The following KIAA1755 variants were observed in gnomAD, a reference collection of about 807,000 sequenced individuals.
The protein encoded by KIAA1755 is uncharacterized protein KIAA1755.
A neutral mutation model predicts 91.7 loss-of-function variants in KIAA1755; 68 were observed. The observed-to-expected ratio is 0.74, with a 90% CI of 0.61 to 0.91. KIAA1755 has a LOEUF of 0.91. Ranked by LOEUF, KIAA1755 falls within the 40% of genes least tolerant of loss-of-function variation. The pLI is 0.00. For missense variants in KIAA1755, 1,535 were observed against 1,494.4 expected (o/e 1.03, Z -0.45); for synonymous variants, 610 against 604.6 (o/e 1.01, Z -0.13).
intron 5 of KIAA1755, 99 bp from the exon 6 acceptor site, chr20:38,228,339 A>C: frequency 1.2e-6 from 1 of 854,026 alleles, no homozygotes; most frequent in Non-Finnish European, 1.7e-6. Context: ...AGAAACCTTG[A>C]TTTACTGGTG....
chr20:38,217,971 G>A (rs2075581843), intron 12 of KIAA1755: 2 of 489,844 alleles, frequency 4.1e-6, no homozygotes, highest in Non-Finnish European at 7.3e-6. Context: ...GGCTCTGTGA[G>A]GCTGAGTTAT....
chr20:38,221,485 G>T (rs1206621080), intron 10 of KIAA1755, among the ~76,000 whole-genome samples: 1 of 152,176 alleles, frequency 6.6e-6, no homozygotes, highest in South Asian at 2.1e-4. Context: ...GCTCTGGGTG[G>T]TGTGTTCAAG....
intron 1 of KIAA1755, among the ~76,000 whole-genome samples, chr20:38,255,246 C>T (rs929623033): frequency 3.4e-4 from 51 of 152,064 alleles, no homozygotes; most frequent in African/African-American, 1.1e-3. Flanking sequence ...AAACCAACAG[C>T]CACAGGTATA....
chr20:38,231,183 G>A lies in KIAA1755; in HGVS notation c.1871+19C>T, dbSNP rs764428525. 2.5e-6 allele frequency: 4 copies of A among 1,607,242 alleles called. No individual in the cohort carries two copies. The Admixed American group carries it at 5.1e-5, about 20-fold the overall frequency. ...GGTTGAGGTGGGGATGGAGCAGTCA[G>A]GGTGGCCCAGATCCTTACCTGGGGA... On this transcript the variant is annotated intron_variant, in intron 5 of 13. Coordinates refer to ENST00000279024, the MANE Select transcript of KIAA1755 (RefSeq NM_001029864.2).
chr20:38,225,620 G>T (rs2075741906), intron 8 of KIAA1755, 45 bp downstream of exon 8: 1 of 1,151,018 alleles, frequency 8.7e-7, no homozygotes, highest in Non-Finnish European at 1.3e-6. Flanking sequence ...AAGAGAAGAA[G>T]AGAAGGAGTG....
intron 1 of KIAA1755, among the ~76,000 whole-genome samples, chr20:38,247,469 A>G (rs2076178159): frequency 6.6e-6 from 1 of 151,732 alleles, no homozygotes; most frequent in African/African-American, 2.4e-5. Context: ...TCAGCTGTCA[A>G]CTCCTCCAGG....
chr20:38,248,882 G>A (rs1434268827), intron 1 of KIAA1755, among the ~76,000 whole-genome samples: 1 of 150,954 alleles, frequency 6.6e-6, no homozygotes, highest in Non-Finnish European at 1.5e-5. Flanking sequence ...TTGTTTGTTT[G>A]TTTGTTTTTA....
chr20:38,217,091 G>A (rs577421954), intron 13 of KIAA1755, 162 bp downstream of exon 13: 376 of 649,718 alleles, frequency 5.8e-4, no homozygotes, highest in Non-Finnish European at 7.0e-4. Context: ...TGGGGGTGGT[G>A]TCTGTGCAAG....
intron 10 of KIAA1755, among the ~76,000 whole-genome samples, chr20:38,220,008 T>C (rs1055940329): frequency 2.0e-5 from 3 of 152,202 alleles, no homozygotes; most frequent in Non-Finnish European, 2.9e-5. Context: ...TAGAAGGGAA[T>C]GAAGCTGGCC....
At chr20:38,214,204 G>C (rs1265216060) in intron 13 of KIAA1755, among the ~76,000 whole-genome samples, 6 of 152,152 alleles carry the variant, frequency 3.9e-5, no homozygotes, top group Admixed American at 1.3e-4. Context: ...ACCCGCCGCA[G>C]CCTCCCAAAG....
rs1042786291 is a variant in KIAA1755, at chr20:38,213,568, C to T, written c.3077G>A (p.Arg1026Gln). 17 of 1,605,936 alleles carry T rather than the reference C, an allele frequency of 1.1e-5. No individual in the cohort carries two copies. Among genetic ancestry groups the T allele is most frequent in the African/African-American group, 2.7e-5 (2 of 74,814 alleles). ...AVGLQVASLSRAGLGQELWEE... is the reference protein window; with the variant it reads ...AVGLQVASLSQAGLGQELWEE... ...CCATAGCTCCTGGCCCAGGCCTGCCCGGCTCAGGGAGGCCACCTGCAGCCC... is the reference window on the plus strand; with the variant it reads ...CCATAGCTCCTGGCCCAGGCCTGCCTGGCTCAGGGAGGCCACCTGCAGCCC... The change falls in exon 14 of 14, where the codon CGG becomes CAG. Residue 1026 changes from arginine to glutamine, a missense_variant. Physicochemically the swap from Arg to Gln is conservative, Grantham distance 43. Transcript: ENST00000279024.
chr20:38,245,822 C>G, intron 2 of KIAA1755, 107 bp downstream of exon 2: 1 of 1,018,414 alleles, frequency 9.8e-7, no homozygotes, highest in Non-Finnish European at 1.5e-6. Context: ...ACCCTCAGCT[C>G]CCCGTGAAAC....
At chr20:38,246,672 A>C (rs2076166694) in intron 1 of KIAA1755, among the ~76,000 whole-genome samples, 1 of 152,156 alleles carries the variant, frequency 6.6e-6, no homozygotes, top group African/African-American at 2.4e-5. Flanking sequence ...TTCACACAGC[A>C]ATAACTGATA....
In KIAA1755 at chr20:38,219,730, A is replaced by G; in HGVS notation, c.2456T>C (p.Val819Ala). Reference sequence around the variant, plus strand: ...GACCAGAACATGAAGCTGCTCGTCCACAAGGCTGTACAAGGCAGTGGCTGC... The same window carrying G: ...GACCAGAACATGAAGCTGCTCGTCCGCAAGGCTGTACAAGGCAGTGGCTGC... Reference protein sequence around the residue: ...LAAATALYSLVDEQLHVLVTA... With the variant: ...LAAATALYSLADEQLHVLVTA... The change falls in exon 11 of 14, where the codon GTG (valine) becomes GCG (alanine). Residue 819 changes from valine to alanine, a missense_variant. Val to Ala is a moderately conservative substitution (Grantham distance 64). Coordinates refer to ENST00000279024, the MANE Select transcript of KIAA1755 (RefSeq NM_001029864.2). 1 of 1,614,182 alleles carries G rather than the reference A, an allele frequency of 6.2e-7. No homozygotes were observed. Among genetic ancestry groups the G allele is most frequent in the Non-Finnish European group, 8.5e-7 (1 of 1,180,034 alleles).
At chr20:38,259,948 G>A (rs1483863141) in intron 1 of KIAA1755, among the ~76,000 whole-genome samples, 1 of 151,782 alleles carries the variant, frequency 6.6e-6, no homozygotes, top group East Asian at 1.9e-4. Context: ...AAGCACCCTG[G>A]GTTTCAATGT....
chr20:38,239,115 G>T (rs571444871), intron 4 of KIAA1755, among the ~76,000 whole-genome samples: 31 of 152,306 alleles, frequency 2.0e-4, no homozygotes, highest in African/African-American at 7.0e-4. Flanking sequence ...TGTGGGGCGG[G>T]TCATGCCCCA....
chr20:38,221,635 G>A (rs764286791), intron 10 of KIAA1755, among the ~76,000 whole-genome samples: 27 of 152,152 alleles, frequency 1.8e-4, no homozygotes, highest in Non-Finnish European at 3.8e-4. Flanking sequence ...CTACCTCGGA[G>A]TGAATTAAGT....
chr20:38,246,074 G>T lies in KIAA1755; in HGVS notation c.56C>A (p.Pro19His). The change falls in exon 2 of 14, where the codon CCT becomes CAT. Residue 19 changes from proline (P) to histidine (H), a missense_variant. Physicochemically the swap from Pro to His is moderately conservative, Grantham distance 77. Transcript: ENST00000279024. ...AIQHALAGLY[P>H]PFEATAPTVL... ...GGTGGGTGCTGTGGCCTCGAAAGGA[G>T]GATAGAGGCCCGCCAGGGCATGCTG... The T allele has an allele frequency of 1.2e-6, 2 of 1,614,110 alleles. No individual in the cohort carries two copies. Among genetic ancestry groups the T allele is most frequent in the Non-Finnish European group, 1.7e-6 (2 of 1,180,030 alleles).
intron 4 of KIAA1755, 21 bp from the exon 5 acceptor site, chr20:38,231,346 G>A (rs758257258): frequency 8.2e-6 from 13 of 1,592,730 alleles, no homozygotes; most frequent in South Asian, 1.1e-5. Flanking sequence ...GAGGGCACAC[G>A]TGAGCAGTGA....
Sources: allele counts gnomAD v4.1 joint callset (sites outside exome capture counted in the v4.1 genomes callset), GRCh38; gene constraint gnomAD v4.1.1; transcripts MANE v1.5; gene names NCBI Gene and HGNC (gene_info 2026-07-23, HGNC 2026-07-21).